OTUD7B: variants seen among roughly 807,000 people sequenced by gnomAD.
OTUD7B encodes OTU deubiquitinase 7B, also known as OTU domain-containing protein 7B.
Under a neutral mutation model 82.2 loss-of-function variants are expected in OTUD7B, and 34 were observed. That is an observed-to-expected ratio of 0.41 (90% CI 0.31 to 0.55). OTUD7B has a LOEUF of 0.55. Among genes scored for constraint, OTUD7B ranks in the 20% least tolerant of loss-of-function variants. The pLI is 0.20. For synonymous variants in OTUD7B, 398 were observed against 402.7 expected, an observed-to-expected ratio of 0.99 and a Z score of 0.14; for missense variants, 944 against 1,062.1, an observed-to-expected ratio of 0.89 and a Z score of 1.55.
rs782703758 is a variant in OTUD7B, at chr1:149,964,447, G to A, written c.605-98C>T. ...GGGTTTCACCATGTTGGCCAGGCTGGTCTCAAACCCCTGGCCTCAAGTGAC... is the reference window on the plus strand; with the variant it reads ...GGGTTTCACCATGTTGGCCAGGCTGATCTCAAACCCCTGGCCTCAAGTGAC... On this transcript the variant is annotated intron_variant, in intron 5 of 11. Coordinates refer to ENST00000581312, the MANE Select transcript of OTUD7B (RefSeq NM_020205.4). 4 of 1,272,364 alleles carry A rather than the reference G, an allele frequency of 3.1e-6. No individual in the cohort carries two copies. The African/African-American group carries it at 5.9e-5, about 19-fold the overall frequency. The allele number at this position is 1,272,364 out of a possible 1,614,324, so 78.8% of individuals were successfully genotyped here.
chr1:150,026,965 G>T, the OTUD7B span, among the ~76,000 whole-genome samples: 25,773 of 152,064 alleles, frequency 0.17, 2,688 homozygotes, highest in African/African-American at 0.28. Flanking sequence ...ACTTAGAAAT[G>T]AAATTTCTAA....
In OTUD7B at chr1:149,944,224, C is replaced by G. The variant is rs1647499400; in HGVS notation, c.2165G>C (p.Gly722Ala). 2 of 1,613,040 alleles carry G rather than the reference C, an allele frequency of 1.2e-6. No individual in the cohort carries two copies. The highest frequency in any genetic ancestry group is 3.3e-5 in the Admixed American group (2 of 59,946). ...GAAGGTGGCATATGGTGGTAGGCCC[C>G]CGACACATGGACCCCCTGCCAACTG... is the stretch of plus-strand genomic sequence containing the variant. ...RRQLAGGPCV[G>A]GLPPYATFPR... is the part of the protein sequence containing the mutation. Residue 722 changes from glycine (G) to alanine (A), a missense_variant, in exon 12 of 12, where the codon GGG (glycine) becomes GCG (alanine). Gly to Ala is a moderately conservative substitution (Grantham distance 60). This residue lies in a region of OTUD7B where 412 missense variants were observed against 418.7 expected (regional missense o/e 0.98). Coordinates refer to ENST00000581312, the MANE Select transcript of OTUD7B (RefSeq NM_020205.4).
the OTUD7B span, among the ~76,000 whole-genome samples, chr1:150,053,218 T>C: frequency 1.3e-5 from 2 of 151,902 alleles, no homozygotes; most frequent in East Asian, 1.9e-4. Flanking sequence ...CACAGCAAAA[T>C]AAACTATCAA....
chr1:149,994,289 A>G (rs1651780493), intron 1 of OTUD7B, among the ~76,000 whole-genome samples: 1 of 152,160 alleles, frequency 6.6e-6, no homozygotes. Context: ...TCAAACATCA[A>G]AAACAAAACC....
At chr1:149,959,004 T>C (rs1296992870) in intron 7 of OTUD7B, among the ~76,000 whole-genome samples, 3 of 151,828 alleles carry the variant, frequency 2.0e-5, no homozygotes, top group African/African-American at 7.3e-5. Context: ...GGTGGATCAC[T>C]TGAGGCCAGG....
the OTUD7B span, among the ~76,000 whole-genome samples, chr1:150,032,780 T>C: frequency 1.3e-5 from 2 of 152,332 alleles, no homozygotes; most frequent in African/African-American, 2.4e-5. Context: ...CAACAGTAGA[T>C]GTTTCAAACT....
chr1:150,051,696 T>C, the OTUD7B span, among the ~76,000 whole-genome samples: 3 of 152,274 alleles, frequency 2.0e-5, no homozygotes, highest in South Asian at 2.1e-4. Context: ...AATTCAGATA[T>C]CTGTAAAGGT....
At chr1:150,063,353 A>G in the OTUD7B span, among the ~76,000 whole-genome samples, 91 of 152,180 alleles carry the variant, frequency 6.0e-4, no homozygotes, top group Non-Finnish European at 1.1e-3. Context: ...GAGGAGGCTG[A>G]GGCATGATAA....
the OTUD7B span, among the ~76,000 whole-genome samples, chr1:150,056,013 C>T: frequency 6.6e-6 from 1 of 151,954 alleles, no homozygotes; most frequent in African/African-American, 2.4e-5. Flanking sequence ...AACAAACCTG[C>T]ACATGTACCC....
At chr1:149,951,019 T>C in intron 7 of OTUD7B, among the ~76,000 whole-genome samples, 1 of 93,776 alleles carries the variant, frequency 1.1e-5, no homozygotes, top group Admixed American at 1.7e-4. Context: ...GTCTCACTCT[T>C]TCGCCCAGAC....
At chr1:150,049,103 GC>G in the OTUD7B span, among the ~76,000 whole-genome samples, 1 of 152,126 alleles carries the variant, frequency 6.6e-6, no homozygotes, top group Non-Finnish European at 1.5e-5. Flanking sequence ...CTCCCAAAGT[GC>G]TGGGATTACA....
intron 1 of OTUD7B, among the ~76,000 whole-genome samples, chr1:150,009,467 T>C (rs1652882781): frequency 6.6e-6 from 1 of 152,138 alleles, no homozygotes; most frequent in Non-Finnish European, 1.5e-5. Context: ...GCATGTGAAT[T>C]TCTAAGCAAA....
At chr1:149,958,111 A>T (rs1648838730) in intron 7 of OTUD7B, among the ~76,000 whole-genome samples, 2 of 151,886 alleles carry the variant, frequency 1.3e-5, no homozygotes, top group Non-Finnish European at 2.9e-5. Context: ...CTTCTGCGTC[A>T]CTCATGCTGG....
At chr1:150,059,004 T>C in the OTUD7B span, among the ~76,000 whole-genome samples, 1 of 151,916 alleles carries the variant, frequency 6.6e-6, no homozygotes, top group African/African-American at 2.4e-5. Flanking sequence ...TAAAGAATAC[T>C]GACAAATTAA....
At chr1:149,959,602 C>T in intron 7 of OTUD7B, 82 bp downstream of exon 7, 1 of 833,994 alleles carries the variant, frequency 1.2e-6, no homozygotes, top group Non-Finnish European at 2.1e-6. Context: ...CCTCTTAGCA[C>T]AGAGCTCTCT....
At chr1:149,975,660 A>G (rs1479177753) in intron 2 of OTUD7B, among the ~76,000 whole-genome samples, 3 of 152,224 alleles carry the variant, frequency 2.0e-5, no homozygotes, top group African/African-American at 7.2e-5. Context: ...GTAACCTAAC[A>G]TGATCACCAA....
chr1:149,949,120 T>C lies in OTUD7B; in HGVS notation c.1124-37A>G, dbSNP rs782086240. On this transcript the variant is annotated intron_variant, in intron 9 of 11. Coordinates refer to ENST00000581312, the MANE Select transcript of OTUD7B (RefSeq NM_020205.4). ...GAAACATATCATCAAGGAATCTCCT[T>C]AAGAGAGAAAGGTAACTGAACACAG... The C allele has an allele frequency of 2.2e-5, 29 of 1,289,706 alleles. 1 individual carries two copies. In the South Asian group the frequency reaches 2.6e-4, roughly 12 times the overall value. The allele number at this position is 1,289,706 out of a possible 1,614,324, so 79.9% of individuals were successfully genotyped here. A position where few individuals can be genotyped will look rare whatever the true frequency, so the allele number is the denominator to read the frequency against.
chr1:149,976,776 T>C (rs782758795), intron 2 of OTUD7B, among the ~76,000 whole-genome samples: 1 of 152,084 alleles, frequency 6.6e-6, no homozygotes, highest in Non-Finnish European at 1.5e-5. Flanking sequence ...GATCCCATCA[T>C]GAAAACCCTA....
At chr1:149,965,911 T>C (rs1393785297) in intron 4 of OTUD7B, 33 bp from the exon 5 acceptor site, 6 of 1,558,962 alleles carry the variant, frequency 3.8e-6, no homozygotes, top group Admixed American at 3.4e-5. Context: ...GAAAAGGAGA[T>C]TATCCATGAA....
Sources: allele counts gnomAD v4.1 joint callset (sites outside exome capture counted in the v4.1 genomes callset), GRCh38; gene constraint gnomAD v4.1.1; regional missense constraint gnomAD v4.1.1; transcripts MANE v1.5; gene names NCBI Gene and HGNC (gene_info 2026-07-23, HGNC 2026-07-21).